GFRAL: variants seen among roughly 807,000 people sequenced by gnomAD.
GFRAL encodes GDNF family receptor alpha-like.
In GFRAL, 36 loss-of-function variants were observed where a neutral mutation model predicts 45.4. The observed-to-expected ratio is 0.79, with a 90% confidence interval of 0.61 to 1.05. The LOEUF is 1.05. Ranked by LOEUF, GFRAL falls within the 50% of genes least tolerant of loss-of-function variation. GFRAL has a pLI of 0.00. For synonymous variants in GFRAL, 166 were observed against 154.1 expected (o/e 1.08, Z -0.57); for missense variants, 507 against 467.5 (o/e 1.08, Z -0.78).
chr6:55,341,808 C>T (rs1286599244), intron 3 of GFRAL, among the ~76,000 whole-genome samples: 1 of 152,038 alleles, frequency 6.6e-6, no homozygotes, highest in African/African-American at 2.4e-5. Flanking sequence ...CTAGAATAAA[C>T]AGTATAGAGA....
chr6:55,334,495 T>A (rs972402759), intron 3 of GFRAL, among the ~76,000 whole-genome samples: 2 of 152,190 alleles, frequency 1.3e-5, no homozygotes, highest in African/African-American at 4.8e-5. Context: ...AACAAAGACA[T>A]TCCAAGAGAT....
intron 3 of GFRAL, among the ~76,000 whole-genome samples, chr6:55,343,922 A>G (rs1330505537): frequency 6.6e-6 from 1 of 152,182 alleles, no homozygotes; most frequent in Non-Finnish European, 1.5e-5. Context: ...ACACAAATAA[A>G]CCAGAAAATC....
intron 3 of GFRAL, among the ~76,000 whole-genome samples, chr6:55,348,499 C>T (rs569083753): frequency 7.9e-5 from 12 of 152,102 alleles, no homozygotes; most frequent in Non-Finnish European, 1.8e-4. Flanking sequence ...TTGTATTTTT[C>T]CCCAGTTCCG....
chr6:55,358,488 A>G (rs1231669398), intron 5 of GFRAL, among the ~76,000 whole-genome samples: 4 of 152,028 alleles, frequency 2.6e-5, no homozygotes, highest in Non-Finnish European at 5.9e-5. Flanking sequence ...TTGAAAAGTC[A>G]AATACCTTAC....
At chr6:55,372,132 C>G (rs1768459254) in intron 6 of GFRAL, among the ~76,000 whole-genome samples, 1 of 152,156 alleles carries the variant, frequency 6.6e-6, no homozygotes. Flanking sequence ...TCTTGATATA[C>G]TCCCCTCACA....
chr6:55,400,776 T>C (rs1768886060), intron 8 of GFRAL, among the ~76,000 whole-genome samples: 1 of 152,216 alleles, frequency 6.6e-6, no homozygotes, highest in Non-Finnish European at 1.5e-5. Flanking sequence ...TTGGAATTTA[T>C]TAAAGTTTAC....
chr6:55,388,449 A>G (rs1232720898), intron 6 of GFRAL, among the ~76,000 whole-genome samples: 1 of 152,242 alleles, frequency 6.6e-6, no homozygotes, highest in Non-Finnish European at 1.5e-5. Flanking sequence ...CAGGCCAGAC[A>G]TGATTCAATC....
At chr6:55,372,379 C>T (rs939746898) in intron 6 of GFRAL, among the ~76,000 whole-genome samples, 3 of 152,138 alleles carry the variant, frequency 2.0e-5, no homozygotes, top group Non-Finnish European at 4.4e-5. Context: ...AATTGCCTGT[C>T]CTCCTACTTG....
At chr6:55,372,930 T>C (rs1768471473) in intron 6 of GFRAL, among the ~76,000 whole-genome samples, 1 of 152,076 alleles carries the variant, frequency 6.6e-6, no homozygotes, top group South Asian at 2.1e-4. Flanking sequence ...AGCCGCGAAC[T>C]CAAAGCCCTG....
chr6:55,376,754 A>G lies in GFRAL; in HGVS notation c.952+17616A>G, dbSNP rs111968711. On this transcript the variant is annotated intron_variant, in intron 6 of 8. Transcript: ENST00000340465. ...TCTTTCTTTTCTTCTTTACTAGTCTAGCTAGCTAGCTATTTTATCTAAAAA... is the reference window on the plus strand; with the variant it reads ...TCTTTCTTTTCTTCTTTACTAGTCTGGCTAGCTAGCTATTTTATCTAAAAA... Among the ~76,000 whole-genome samples the G allele has an allele frequency of 3.0e-3, 460 of 151,704 alleles. 4 individuals carry two copies. The highest frequency in any genetic ancestry group is 0.01 in the African/African-American group (431 of 41,398).
At chr6:55,335,746 G>T (rs1767882116) in intron 3 of GFRAL, among the ~76,000 whole-genome samples, 1 of 152,004 alleles carries the variant, frequency 6.6e-6, no homozygotes, top group Non-Finnish European at 1.5e-5. Flanking sequence ...TCTATTTCTA[G>T]ACTTTCTATT....
intron 6 of GFRAL, among the ~76,000 whole-genome samples, chr6:55,376,717 C>T (rs903537740): frequency 6.6e-6 from 1 of 151,738 alleles, no homozygotes; most frequent in Non-Finnish European, 1.5e-5. Context: ...CTGATTGTGT[C>T]TATTTGATTC....
intron 6 of GFRAL, among the ~76,000 whole-genome samples, chr6:55,379,597 A>AC (rs1491377625): frequency 1.0e-3 from 45 of 44,544 alleles, no homozygotes; most frequent in South Asian, 5.9e-3. Flanking sequence ...ACACACACAC[A>AC]AACTGTGGAA....
intron 6 of GFRAL, among the ~76,000 whole-genome samples, chr6:55,367,226 G>A (rs1404724446): frequency 7.9e-6 from 1 of 126,206 alleles, no homozygotes; most frequent in Non-Finnish European, 1.6e-5. Context: ...GATCTTTGTT[G>A]GTTTAAAGTC....
At chr6:55,372,205 C>G (rs1055519591) in intron 6 of GFRAL, among the ~76,000 whole-genome samples, 2 of 152,168 alleles carry the variant, frequency 1.3e-5, no homozygotes, top group African/African-American at 4.8e-5. Flanking sequence ...GTAGGCTTAT[C>G]CAATTGGCTA....
chr6:55,362,925 GAGA>G (rs2127358301), intron 6 of GFRAL, among the ~76,000 whole-genome samples: 1 of 150,664 alleles, frequency 6.6e-6, no homozygotes, highest in East Asian at 2.0e-4. Flanking sequence ...GGAAGAGTAG[GAGA>G]AGAAGTAGGA....
At chr6:55,368,265 G>A (rs1425463605) in intron 6 of GFRAL, among the ~76,000 whole-genome samples, 1 of 146,870 alleles carries the variant, frequency 6.8e-6, no homozygotes, top group Non-Finnish European at 1.5e-5. Flanking sequence ...TCTTCACGTA[G>A]TTCTCGAGCC....
chr6:55,348,937 C>T (rs1400950033), intron 3 of GFRAL, among the ~76,000 whole-genome samples: 1 of 152,060 alleles, frequency 6.6e-6, no homozygotes, highest in Non-Finnish European at 1.5e-5. Flanking sequence ...AAAGAATGTC[C>T]AGCCTAGACT....
At chr6:55,380,808 A>G (rs950644935) in intron 6 of GFRAL, among the ~76,000 whole-genome samples, 12 of 151,994 alleles carry the variant, frequency 7.9e-5, no homozygotes, top group African/African-American at 2.9e-4. Flanking sequence ...CCATAGTTCT[A>G]TGGCAGCACT....
Sources: allele counts gnomAD v4.1 joint callset (sites outside exome capture counted in the v4.1 genomes callset), GRCh38; gene constraint gnomAD v4.1.1; transcripts MANE v1.5; gene names NCBI Gene and HGNC (gene_info 2026-07-23, HGNC 2026-07-21).